The following KIF1B variants were observed in gnomAD, a reference collection of about 807,000 sequenced individuals.
KIF1B encodes the protein kinesin-like protein KIF1B.
A neutral mutation model predicts 241.9 loss-of-function variants in KIF1B; 76 were observed. That is an observed-to-expected ratio of 0.31 (90% CI 0.26 to 0.38). The LOEUF is 0.38. Among genes scored for constraint, KIF1B ranks in the 10% least tolerant of loss-of-function variants. The pLI, the probability that KIF1B is intolerant of heterozygous loss-of-function variation, is 1.00. For synonymous variants in KIF1B, 750 were observed against 796.7 expected, an observed-to-expected ratio of 0.94 and a Z score of 0.99; for missense variants, 1,622 against 2,271.4, an observed-to-expected ratio of 0.71 and a Z score of 5.81.
Position 10,339,752 on chromosome 1 carries a change from T to C in KIF1B, c.3423-17T>C. ...TTTAATGCATTGTTCACGAGTCTTT[T>C]TATTTTTTTTATGAAGCTTTTTGCA... On this transcript the variant is annotated splice_polypyrimidine_tract_variant and intron_variant, in intron 31 of 48. Transcript: ENST00000676179. The C allele has an allele frequency of 1.2e-6, 2 of 1,600,312 alleles. No individual in the cohort carries two copies. The highest frequency in any genetic ancestry group is 8.5e-7 in the Non-Finnish European group (1 of 1,171,026).
At chr1:10,267,019 CTTTCTTT>C (rs1202294165) in intron 5 of KIF1B, among the ~76,000 whole-genome samples, 1 of 149,962 alleles carries the variant, frequency 6.7e-6, no homozygotes, top group African/African-American at 2.5e-5. Flanking sequence ...TTCTTTCTTT[CTTTCTTT>C]TTTTTTATTA....
chr1:10,304,032 G>T (rs371725272), intron 22 of KIF1B: 1 of 1,611,806 alleles, frequency 6.2e-7, no homozygotes, highest in South Asian at 1.1e-5. Context: ...TACCTCATAG[G>T]TTCATCCCTC....
intron 28 of KIF1B, 29 bp from the exon 29 acceptor site, chr1:10,336,628 A>C: frequency 6.3e-7 from 1 of 1,584,754 alleles, no homozygotes; most frequent in Non-Finnish European, 8.7e-7. Context: ...GTCTCACTCA[A>C]TTCTTGCTAA....
chr1:10,219,527 C>T (rs1646812767), intron 1 of KIF1B, among the ~76,000 whole-genome samples: 1 of 150,780 alleles, frequency 6.6e-6, no homozygotes, highest in Non-Finnish European at 1.5e-5. Context: ...GAGGCCGAGG[C>T]AGGCGGATCA....
At chr1:10,218,196 G>GC (rs1293363081) in intron 1 of KIF1B, among the ~76,000 whole-genome samples, 1 of 151,976 alleles carries the variant, frequency 6.6e-6, no homozygotes, top group Non-Finnish European at 1.5e-5. Context: ...GTCCCCTCCT[G>GC]CCCCCCACTT....
At chr1:10,333,463 G>A (rs918139675) in intron 27 of KIF1B, among the ~76,000 whole-genome samples, 5 of 152,106 alleles carry the variant, frequency 3.3e-5, no homozygotes, top group African/African-American at 9.7e-5. Flanking sequence ...AGGCTGTTGC[G>A]GGCGGATCAC....
At chr1:10,356,153 G>C (rs1345446471) in intron 38 of KIF1B, among the ~76,000 whole-genome samples, 1 of 152,056 alleles carries the variant, frequency 6.6e-6, no homozygotes. Context: ...GGATCACGAG[G>C]TCAGGAGTTC....
chr1:10,243,954 T>G (rs994582869), intron 2 of KIF1B, among the ~76,000 whole-genome samples: 3 of 116,392 alleles, frequency 2.6e-5, no homozygotes, highest in African/African-American at 9.6e-5. Flanking sequence ...AAGAGCAGAA[T>G]TGTTGATTGT....
chr1:10,224,273 C>T (rs952935834), intron 1 of KIF1B, among the ~76,000 whole-genome samples: 4 of 152,132 alleles, frequency 2.6e-5, no homozygotes, highest in East Asian at 1.9e-4. Flanking sequence ...CGTGTCACCA[C>T]GCCTGGCTAA....
At position 10,381,333 on chromosome 1, in the gene KIF1B, C is replaced by T. The variant is rs1259617799; in HGVS notation, c.*4746C>T. On this transcript the variant is annotated 3_prime_UTR_variant, in exon 49 of 49. Coordinates refer to ENST00000676179, the MANE Select transcript of KIF1B (RefSeq NM_001365951.3). ...ACCAAGACTTTGCAAACTGATCTCT[C>T]CCCCGTGAAGGAGTTGAGCACATTA... 1.3e-5 allele frequency: 3 copies of T among 226,310 alleles called. No individual in the cohort carries two copies. Among genetic ancestry groups the T allele is most frequent in the African/African-American group, 2.2e-5 (1 of 44,874 alleles). The allele number at this position is 226,310 out of a possible 1,614,324, so 14.0% of individuals were successfully genotyped here.
intron 17 of KIF1B, among the ~76,000 whole-genome samples, chr1:10,292,986 G>A (rs1357741119): frequency 1.3e-5 from 2 of 152,120 alleles, no homozygotes; most frequent in African/African-American, 2.4e-5. Context: ...AGGATACAAG[G>A]GGTGGTGAGT....
chr1:10,282,347 G>A lies in KIF1B; in HGVS notation c.1248G>A (p.Lys416=). The change falls in exon 15 of 49, where the codon AAG becomes AAA. Residue 416 remains lysine, a synonymous_variant. Coordinates refer to ENST00000676179, the MANE Select transcript of KIF1B (RefSeq NM_001365951.3). The part of the protein sequence containing the change: ...SKYLKDFQNN[K]HRYLLASENQ... ...ATCTGAAAGATTTTCAGAACAATAA[G>A]CATAGATACTTGCTAGCCTCTGAGA... 6.2e-7 allele frequency: 1 copy of A among 1,613,862 alleles called. No individual in the cohort carries two copies. The highest frequency in any genetic ancestry group is 8.5e-7 in the Non-Finnish European group (1 of 1,179,966).
In KIF1B at chr1:10,365,269, G is replaced by C. The variant is rs1557739539; in HGVS notation, c.4512+24G>C. Reference sequence around the variant, plus strand: ...AGGTATCCAGGGGCAGGGTTGTTCAGATGCAAGAACTCTCGGACAAGATTG... The same window carrying C: ...AGGTATCCAGGGGCAGGGTTGTTCACATGCAAGAACTCTCGGACAAGATTG... On this transcript the variant is annotated intron_variant, in intron 42 of 48. Coordinates refer to ENST00000676179, the MANE Select transcript of KIF1B (RefSeq NM_001365951.3). The surrounding 1 kb of genome is among the most constrained non-coding windows in gnomAD (Gnocchi z 4.0). The C allele has an allele frequency of 6.2e-7, 1 of 1,613,788 alleles. No homozygotes were observed. Among genetic ancestry groups the C allele is most frequent in the South Asian group, 1.1e-5 (1 of 91,048 alleles).
At chr1:10,278,761 C>T (rs1032361864) in intron 13 of KIF1B, 4 of 254,640 alleles carry the variant, frequency 1.6e-5, no homozygotes, top group African/African-American at 8.9e-5. Context: ...TATCCAGTGG[C>T]TTATTCAGAA....
At chr1:10,363,182 G>C in intron 40 of KIF1B, 101 bp from the exon 41 acceptor site, 2 of 829,176 alleles carry the variant, frequency 2.4e-6, no homozygotes, top group Non-Finnish European at 4.0e-6. Flanking sequence ...AATTATATTT[G>C]AGTCCCTGCA....
chr1:10,211,298 T>C lies in KIF1B; in HGVS notation c.-80+420T>C, dbSNP rs895116683. ...CCTCCTTTGTGGTGGGCATCGGGCT[T>C]CGGCTGGGAATGTGGTTATGCCCTT... is the stretch of plus-strand genomic sequence containing the variant. On this transcript the variant is annotated intron_variant, in intron 1 of 48. Transcript: ENST00000676179. Among the ~76,000 whole-genome samples, 73 of 152,346 alleles carry C rather than the reference T, an allele frequency of 4.8e-4. No homozygotes were observed. The Middle Eastern group carries it at 0.034, about 71-fold the overall frequency.
chr1:10,306,640 A>C, intron 22 of KIF1B: 2 of 609,168 alleles, frequency 3.3e-6, no homozygotes, highest in Non-Finnish European at 4.3e-6. Context: ...AGGACGGGTG[A>C]ACCCAGCCCA....
At chr1:10,356,241 C>T (rs534497805) in intron 38 of KIF1B, among the ~76,000 whole-genome samples, 24 of 152,122 alleles carry the variant, frequency 1.6e-4, no homozygotes, top group African/African-American at 5.5e-4. Context: ...TGGTGGGCGC[C>T]TGTAATCCCA....
In KIF1B at chr1:10,210,941, C is replaced by T. The variant is rs1204371264; in HGVS notation, c.-80+63C>T. ...CGCGGGGTTGGGGAGGGGGCCGCTT[C>T]CGCGGGGAGGAGCGGCCGGGCCGGG... On this transcript the variant is annotated intron_variant, in intron 1 of 48. Coordinates refer to ENST00000676179, the MANE Select transcript of KIF1B (RefSeq NM_001365951.3). The surrounding 1 kb of genome is among the most constrained non-coding windows in gnomAD (Gnocchi z 4.1). The T allele has an allele frequency of 6.6e-6, 1 of 151,784 alleles. No individual in the cohort carries two copies. Among genetic ancestry groups the T allele is most frequent in the Non-Finnish European group, 1.5e-5 (1 of 67,878 alleles). 9.4% of individuals were successfully genotyped at this position (151,784 alleles called of 1,614,324 possible). A position where few individuals can be genotyped will look rare whatever the true frequency, so the allele number is the denominator to read the frequency against.
Sources: allele counts gnomAD v4.1 joint callset (sites outside exome capture counted in the v4.1 genomes callset), GRCh38; gene constraint gnomAD v4.1.1; non-coding constraint Gnocchi (gnomAD v3.1); transcripts MANE v1.5; gene names NCBI Gene and HGNC (gene_info 2026-07-23, HGNC 2026-07-21).